The following COX15 variants were observed in gnomAD, a reference collection of about 807,000 sequenced individuals.
COX15 encodes cytochrome c oxidase assembly factor COX15.
COX15 carries 51 observed loss-of-function variants against 51.9 expected under a neutral mutation model. The ratio of observed to expected loss-of-function variants is 0.98; its 90% CI spans 0.78 to 1.24. COX15 has a LOEUF of 1.24. COX15 is among the 50% of genes most tolerant of loss of function. The pLI is 0.00. For missense variants in COX15, 420 were observed against 501.1 expected (o/e 0.84, Z 1.55); for synonymous variants, 188 against 190.5 (o/e 0.99, Z 0.11).
chr10:99,723,391 C>T (rs2133604088), intron 5 of COX15, among the ~76,000 whole-genome samples: 1 of 152,204 alleles, frequency 6.6e-6, no homozygotes, highest in South Asian at 2.1e-4. Context: ...ATCTGCCTGC[C>T]TCTGCCTCCC....
At chr10:99,710,802 T>TA (rs1426634238), downstream of COX15, 1 of 985,276 alleles carries the variant, frequency 1.0e-6, no homozygotes, top group African/African-American at 1.7e-5. Flanking sequence ...TGCTAGTCAT[T>TA]ACCCCTGCTA....
At position 99,713,222 on chromosome 10, in the gene COX15, T is replaced by C. The variant is rs2036453580; in HGVS notation, c.*1365A>G. ...ATATTGAACCTGAGGACAACTAAAA[T>C]CCCGTCTTTTTTATATGAAATGATA... On this transcript the variant is annotated 3_prime_UTR_variant, in exon 9 of 9. Coordinates refer to ENST00000016171, the MANE Select transcript of COX15 (RefSeq NM_078470.6). 2 of 1,400,868 alleles carry C rather than the reference T, an allele frequency of 1.4e-6. No individual in the cohort carries two copies. Among genetic ancestry groups the C allele is most frequent in the East Asian group, 2.5e-5 (1 of 39,848 alleles). The allele number at this position is 1,400,868 out of a possible 1,614,324, so 86.8% of individuals were successfully genotyped here. A position where few individuals can be genotyped will look rare whatever the true frequency, so the allele number is the denominator to read the frequency against.
At position 99,717,097 on chromosome 10, in the gene COX15, C is replaced by T. The variant is rs575023259; in HGVS notation, c.988-636G>A. Among the ~76,000 whole-genome samples the T allele has an allele frequency of 3.3e-5, 5 of 152,260 alleles. No homozygotes were observed. The South Asian group carries it at 1.0e-3, about 32-fold the overall frequency. On this transcript the variant is annotated intron_variant, in intron 7 of 8. Coordinates refer to ENST00000016171, the MANE Select transcript of COX15 (RefSeq NM_078470.6). ...GCTTTACTTATGCTAAAATACTGTG[C>T]GCAGGTGGGGACTCAGCCCACACCA...
At chr10:99,716,309 A>G (rs1436661262) in intron 8 of COX15, 39 bp downstream of exon 8, 2 of 1,433,896 alleles carry the variant, frequency 1.4e-6, no homozygotes, top group East Asian at 4.6e-5. Context: ...TTAACTTTGT[A>G]TTGGGGATAC....
chr10:99,727,395 C>A lies in COX15; in HGVS notation c.395+46G>T, dbSNP rs767472506. ...TCTGAAGGGTTTAAGTCCAAAAGAT[C>A]AAATGGGCCTACTGGGATGTTTACC... is the stretch of plus-strand genomic sequence containing the variant. On this transcript the variant is annotated intron_variant, in intron 3 of 8. Coordinates refer to ENST00000016171, the MANE Select transcript of COX15 (RefSeq NM_078470.6). 13 of 1,607,130 alleles carry A rather than the reference C, an allele frequency of 8.1e-6. No individual in the cohort carries two copies. The South Asian group carries it at 1.4e-4, about 18-fold the overall frequency.
chr10:99,731,263 C>T (rs1998289), intron 1 of COX15, among the ~76,000 whole-genome samples: 130,323 of 152,128 alleles, frequency 0.86, 55,883 homozygotes, highest in Middle Eastern at 0.92. Flanking sequence ...TGGCAGTGTC[C>T]GGTCAGTCTT....
At position 99,717,503 on chromosome 10, in the gene COX15, GC is replaced by G. The variant is rs1395921997; in HGVS notation, c.987+842del. 2.6e-5 allele frequency among the ~76,000 whole-genome samples: 4 copies of G among 152,012 alleles called. No individual in the cohort carries two copies. In the East Asian group the frequency reaches 7.7e-4, roughly 29 times the overall value. The stretch of plus-strand genomic sequence containing the variant: ...TGGGATTACAGGCATGAGCCATTGC[GC>G]CCAGTGCTCTTATTTTTAAATTAAA... On this transcript the variant is annotated intron_variant, in intron 7 of 8. Transcript: ENST00000016171.
chr10:99,696,702 TTTC>T, the COX15 span, among the ~76,000 whole-genome samples: 1 of 152,244 alleles, frequency 6.6e-6, no homozygotes, highest in African/African-American at 2.4e-5. Flanking sequence ...AGTGGTGGGA[TTTC>T]TTGTTTCTTT....
intron 8 of COX15, among the ~76,000 whole-genome samples, chr10:99,715,164 G>GTGAA (rs1390921286): frequency 6.6e-6 from 1 of 152,050 alleles, no homozygotes; most frequent in Non-Finnish European, 1.5e-5. Flanking sequence ...TTGAGACAGA[G>GTGAA]TTTCACTCTG....
chr10:99,697,895 A>G, the COX15 span: 3 of 153,936 alleles, frequency 1.9e-5, no homozygotes. Context: ...AGGAATGAGA[A>G]TATGGTTGCT....
At chr10:99,729,949 T>C (rs2037085273) in intron 1 of COX15, among the ~76,000 whole-genome samples, 2 of 152,240 alleles carry the variant, frequency 1.3e-5, no homozygotes, top group African/African-American at 4.8e-5. Flanking sequence ...CCCAACTACA[T>C]GAATCTTCTC....
chr10:99,720,924 A>G, intron 6 of COX15, 63 bp downstream of exon 6: 5 of 1,294,016 alleles, frequency 3.9e-6, no homozygotes, highest in Non-Finnish European at 5.6e-6. Flanking sequence ...GCAAAGCATT[A>G]GGCAAGAGGT....
rs555665805 is a variant in COX15 at position 99,719,222 on chromosome 10, CTTTCTT to C, written c.833-728_833-723del. On this transcript the variant is annotated intron_variant, in intron 6 of 8. Transcript: ENST00000016171. ...ATGTTTGGGTCACACTCGCTTTTTT[CTTTCTT>C]TTTTTTTTTGAGACGCAGTCTGGCT... is the stretch of plus-strand genomic sequence containing the variant. 2.9e-4 allele frequency among the ~76,000 whole-genome samples: 44 copies of C among 151,772 alleles called. 1 individual carries two copies. The highest frequency in any genetic ancestry group is 1.0e-3 in the Admixed American group (16 of 15,250).
chr10:99,712,263 T>A lies in COX15; in HGVS notation c.*2324A>T. 1 of 985,346 alleles carries A rather than the reference T, an allele frequency of 1.0e-6. No homozygotes were observed. The highest frequency in any genetic ancestry group is 1.2e-6 in the Non-Finnish European group (1 of 829,920). 61.0% of individuals were successfully genotyped at this position (985,346 alleles called of 1,614,324 possible). Reference sequence around the variant, plus strand: ...CAGGTCACAGAAACTTACAGAGTACTGGAGTTGAAAGAGAACTGAGATCAC... The same window carrying A: ...CAGGTCACAGAAACTTACAGAGTACAGGAGTTGAAAGAGAACTGAGATCAC... On this transcript the variant is annotated 3_prime_UTR_variant, in exon 9 of 9. Transcript: ENST00000016171.
At chr10:99,730,898 A>AT (rs1048305370) in intron 1 of COX15, among the ~76,000 whole-genome samples, 1 of 151,928 alleles carries the variant, frequency 6.6e-6, no homozygotes, top group Non-Finnish European at 1.5e-5. Context: ...CCCTATCTCT[A>AT]TTTTTTCAAA....
In COX15 at chr10:99,714,052, A is replaced by C; in HGVS notation, c.*535T>G. Reference sequence around the variant, plus strand: ...AAAAACCATTTTGCTACATATACACATTAAGCTTGTCAAAATCTGCAATTT... The same window carrying C: ...AAAAACCATTTTGCTACATATACACCTTAAGCTTGTCAAAATCTGCAATTT... On this transcript the variant is annotated 3_prime_UTR_variant, in exon 9 of 9. Coordinates refer to ENST00000016171, the MANE Select transcript of COX15 (RefSeq NM_078470.6). 1 of 1,012,968 alleles carries C rather than the reference A, an allele frequency of 9.9e-7. No homozygotes were observed. Among genetic ancestry groups the C allele is most frequent in the Non-Finnish European group, 1.2e-6 (1 of 846,318 alleles). The allele number at this position is 1,012,968 out of a possible 1,614,324, so 62.7% of individuals were successfully genotyped here.
intron 2 of COX15, among the ~76,000 whole-genome samples, chr10:99,729,231 G>A (rs2037056927): frequency 6.6e-6 from 1 of 152,206 alleles, no homozygotes; most frequent in African/African-American, 2.4e-5. Flanking sequence ...GGAGGCCGAG[G>A]TGGGCAGATC....
the COX15 span, chr10:99,704,467 AG>A: frequency 6.2e-7 from 1 of 1,614,200 alleles, no homozygotes. Context: ...TTCGGCAGGA[AG>A]GTGTCCGACA....
At chr10:99,695,875 C>G in the COX15 span, 1 of 1,306,702 alleles carries the variant, frequency 7.7e-7, no homozygotes, top group Non-Finnish European at 1.1e-6. Context: ...AGAAATGAAG[C>G]CTCGTGTATT....
Sources: allele counts gnomAD v4.1 joint callset (sites outside exome capture counted in the v4.1 genomes callset), GRCh38; gene constraint gnomAD v4.1.1; transcripts MANE v1.5; gene names NCBI Gene and HGNC (gene_info 2026-07-23, HGNC 2026-07-21).